The following CADM2 variants were observed in gnomAD, a reference collection of about 807,000 sequenced individuals.
The protein encoded by CADM2 is cell adhesion molecule 2, also known as immunoglobulin superfamily member 4D.
CADM2 carries 12 observed loss-of-function variants against 49.8 expected under a neutral mutation model. The observed-to-expected ratio is 0.24, with a 90% CI of 0.15 to 0.39. CADM2 has a LOEUF of 0.39. CADM2 is among the 10% of genes least tolerant of loss of function. CADM2 has a pLI of 1.00. For missense variants in CADM2, 378 were observed against 492.3 expected, an observed-to-expected ratio of 0.77 and a Z score of 2.20; for synonymous variants, 214 against 175.4, an observed-to-expected ratio of 1.22 and a Z score of -1.74.
chr3:85,395,296 C>CAAAAAAAAAAAAAAAAAAAGAAAAAAAA, intron 1 of CADM2, among the ~76,000 whole-genome samples: 1 of 75,542 alleles, frequency 1.3e-5, no homozygotes, highest in Non-Finnish European at 2.7e-5. Context: ...AGACTCCATA[C>CAAAAAAAAAAAAAAAAAAAGAAAAAAAA]AAAAAAAAAA....
chr3:85,099,163 A>G (rs1262919622), intron 1 of CADM2, among the ~76,000 whole-genome samples: 1 of 152,176 alleles, frequency 6.6e-6, no homozygotes, highest in African/African-American at 2.4e-5. Context: ...AGAATATCAA[A>G]CTATTTATGT....
chr3:85,122,417 G>T (rs1176591717), intron 1 of CADM2, among the ~76,000 whole-genome samples: 2 of 151,986 alleles, frequency 1.3e-5, no homozygotes, highest in East Asian at 3.9e-4. Flanking sequence ...TTACTCTCTG[G>T]TATTCTGTTA....
chr3:85,232,309 T>C (rs1576174755), intron 1 of CADM2, among the ~76,000 whole-genome samples: 1 of 152,024 alleles, frequency 6.6e-6, no homozygotes, highest in East Asian at 1.9e-4. Flanking sequence ...CATTTCAGAG[T>C]TATTTCTAGA....
At chr3:85,223,530 G>A (rs2042085658) in intron 1 of CADM2, among the ~76,000 whole-genome samples, 1 of 152,142 alleles carries the variant, frequency 6.6e-6, no homozygotes, top group Non-Finnish European at 1.5e-5. Context: ...ACATTACAAT[G>A]GGGATAGTAA....
rs987384540 is a variant in CADM2 at position 85,174,452 on chromosome 3, T to C, written c.61+214784T>C. Reference sequence around the variant, plus strand: ...CGCATTAATGTGAGGTGACTTTTCCTTACCAGAAAATTTCTGCTGAAATTT... The same window carrying C: ...CGCATTAATGTGAGGTGACTTTTCCCTACCAGAAAATTTCTGCTGAAATTT... On this transcript the variant is annotated intron_variant, in intron 1 of 9. Coordinates refer to ENST00000383699, the MANE Select transcript of CADM2 (RefSeq NM_001167675.2). Among the ~76,000 whole-genome samples, 81 of 151,660 alleles carry C rather than the reference T, an allele frequency of 5.3e-4. 1 individual carries two copies. Among genetic ancestry groups the C allele is most frequent in the Non-Finnish European group, 1.5e-5 (1 of 67,938 alleles).
intron 2 of CADM2, among the ~76,000 whole-genome samples, chr3:85,733,387 C>T (rs1377523358): frequency 1.3e-5 from 2 of 152,138 alleles, no homozygotes; most frequent in African/African-American, 4.8e-5. Flanking sequence ...GATGTGGTTT[C>T]TGTTTCTTAT....
At chr3:85,288,305 C>A (rs1304181993) in intron 1 of CADM2, among the ~76,000 whole-genome samples, 1 of 151,982 alleles carries the variant, frequency 6.6e-6, no homozygotes, top group Non-Finnish European at 1.5e-5. Context: ...AGTATAAAAT[C>A]TTGCTTTGTA....
intron 3 of CADM2, among the ~76,000 whole-genome samples, chr3:85,868,252 T>A (rs1248625836): frequency 1.3e-5 from 2 of 152,066 alleles, no homozygotes; most frequent in African/African-American, 4.8e-5. Flanking sequence ...TCAATTAAAG[T>A]TGTATTATTT....
At chr3:85,601,285 A>G (rs1305484245) in intron 1 of CADM2, among the ~76,000 whole-genome samples, 1 of 150,028 alleles carries the variant, frequency 6.7e-6, no homozygotes, top group East Asian at 2.0e-4. Context: ...TTTTTGAAAT[A>G]TGGCTATACA....
chr3:85,723,071 T>C (rs2107772734), intron 1 of CADM2, among the ~76,000 whole-genome samples: 1 of 152,312 alleles, frequency 6.6e-6, no homozygotes, highest in African/African-American at 2.4e-5. Flanking sequence ...TGGTAATTAT[T>C]TTATCATTCA....
At chr3:85,384,561 G>A (rs1026853636) in intron 1 of CADM2, among the ~76,000 whole-genome samples, 5 of 151,956 alleles carry the variant, frequency 3.3e-5, no homozygotes, top group African/African-American at 1.2e-4. Flanking sequence ...TGATCCGCCC[G>A]CCTCAGCCTC....
intron 1 of CADM2, among the ~76,000 whole-genome samples, chr3:85,277,504 A>G (rs774526369): frequency 7.3e-5 from 11 of 151,420 alleles, no homozygotes; most frequent in Admixed American, 2.0e-4. Flanking sequence ...TAAATTTTGC[A>G]TGAATCAACT....
At chr3:86,004,350 A>G (rs143279364) in intron 8 of CADM2, among the ~76,000 whole-genome samples, 1 of 152,186 alleles carries the variant, frequency 6.6e-6, no homozygotes. Flanking sequence ...AAAACCCTGA[A>G]CTATCACAGG....
intron 1 of CADM2, among the ~76,000 whole-genome samples, chr3:85,224,431 A>AT (rs2042106621): frequency 6.6e-6 from 1 of 152,006 alleles, no homozygotes; most frequent in East Asian, 1.9e-4. Flanking sequence ...TCCTTCACCC[A>AT]TTTTTTGATG....
chr3:85,413,563 T>C (rs997576564), intron 1 of CADM2, among the ~76,000 whole-genome samples: 17 of 152,098 alleles, frequency 1.1e-4, no homozygotes, highest in Non-Finnish European at 2.4e-4. Flanking sequence ...CTTACAATCA[T>C]GGCAGAAGGG....
chr3:85,042,189 A>G (rs2035468737), intron 1 of CADM2, among the ~76,000 whole-genome samples: 1 of 152,162 alleles, frequency 6.6e-6, no homozygotes, highest in South Asian at 2.1e-4. Context: ...AAATCAGGAA[A>G]ACAAATGGCA....
chr3:85,898,029 A>T (rs913531694), intron 5 of CADM2, among the ~76,000 whole-genome samples: 1 of 150,960 alleles, frequency 6.6e-6, no homozygotes, highest in Non-Finnish European at 1.5e-5. Flanking sequence ...GCACTATATT[A>T]AGTGAGAAAA....
At chr3:85,531,151 A>C (rs190685324) in intron 1 of CADM2, among the ~76,000 whole-genome samples, 1 of 152,262 alleles carries the variant, frequency 6.6e-6, no homozygotes, top group Admixed American at 6.5e-5. Flanking sequence ...AATGCCTTAT[A>C]AGAGCAGCTC....
chr3:85,440,642 T>A (rs1046369830), intron 1 of CADM2, among the ~76,000 whole-genome samples: 2 of 152,144 alleles, frequency 1.3e-5, no homozygotes, highest in Non-Finnish European at 2.9e-5. Context: ...GGTTTGCTTA[T>A]GGGGGAAAAG....
Sources: allele counts gnomAD v4.1 joint callset (sites outside exome capture counted in the v4.1 genomes callset), GRCh38; gene constraint gnomAD v4.1.1; transcripts MANE v1.5; gene names NCBI Gene and HGNC (gene_info 2026-07-23, HGNC 2026-07-21).